TRPC4: variants seen among roughly 807,000 people sequenced by gnomAD.
TRPC4 encodes the protein short transient receptor potential channel 4.
A neutral mutation model predicts 99.4 loss-of-function variants in TRPC4; 49 were observed. The ratio of observed to expected loss-of-function variants is 0.49; its 90% CI spans 0.39 to 0.63. TRPC4 has a LOEUF of 0.63. Among genes scored for constraint, TRPC4 ranks in the 20% least tolerant of loss-of-function variants. The probability of loss-of-function intolerance (pLI) is 0.00; values close to 1 mark genes in which losing one functional copy is unlikely to be tolerated. For missense variants in TRPC4, 898 were observed against 1,152.9 expected (o/e 0.78, Z 3.20); for synonymous variants, 454 against 425.9 (o/e 1.07, Z -0.81).
chr13:37,838,491 A>G (rs562134006), intron 1 of TRPC4, among the ~76,000 whole-genome samples: 35 of 152,270 alleles, frequency 2.3e-4, no homozygotes, highest in African/African-American at 7.9e-4. Context: ...TTTTTTTTTC[A>G]TAAGTGATCT....
At chr13:37,815,932 C>A (rs1452368026) in intron 1 of TRPC4, among the ~76,000 whole-genome samples, 2 of 151,356 alleles carry the variant, frequency 1.3e-5, no homozygotes, top group Non-Finnish European at 3.0e-5. Context: ...GAACACAGCA[C>A]AATAAAAATA....
At chr13:37,668,784 G>T (rs555021355) in intron 5 of TRPC4, among the ~76,000 whole-genome samples, 24 of 152,126 alleles carry the variant, frequency 1.6e-4, no homozygotes, top group Non-Finnish European at 8.8e-5. Flanking sequence ...GATTAAATAA[G>T]AAACATATAT....
At chr13:37,792,787 A>T (rs900543496) in intron 1 of TRPC4, among the ~76,000 whole-genome samples, 5 of 150,672 alleles carry the variant, frequency 3.3e-5, no homozygotes, top group African/African-American at 1.2e-4. Flanking sequence ...AAAAAAAAAG[A>T]CAAAATGCTT....
chr13:37,697,057 T>A (rs1481414674), intron 3 of TRPC4, among the ~76,000 whole-genome samples: 2 of 152,086 alleles, frequency 1.3e-5, no homozygotes, highest in Non-Finnish European at 2.9e-5. Context: ...TTCTGGCCCC[T>A]CTGAGCATAG....
At position 37,796,042 on chromosome 13, in the gene TRPC4, C is replaced by T. The variant is rs185618986; in HGVS notation, c.-27-12682G>A. 7.9e-5 allele frequency among the ~76,000 whole-genome samples: 12 copies of T among 152,226 alleles called. No homozygotes were observed. In the East Asian group the frequency reaches 2.1e-3, roughly 27 times the overall value. Reference sequence around the variant, plus strand: ...GTGGTAAAAACCTTCAGGCTAAATTCGACCCCACATTTCCTGACGATTTTT... The same window carrying T: ...GTGGTAAAAACCTTCAGGCTAAATTTGACCCCACATTTCCTGACGATTTTT... On this transcript the variant is annotated intron_variant, in intron 1 of 10. Coordinates refer to ENST00000379705, the MANE Select transcript of TRPC4 (RefSeq NM_016179.4).
intron 1 of TRPC4, among the ~76,000 whole-genome samples, chr13:37,851,716 A>G (rs934560016): frequency 2.0e-5 from 3 of 152,226 alleles, no homozygotes; most frequent in African/African-American, 7.2e-5. Context: ...TTAATGTTAT[A>G]TCATTGAAAG....
At chr13:37,645,527 G>A (rs976637608) in intron 8 of TRPC4, among the ~76,000 whole-genome samples, 3 of 152,136 alleles carry the variant, frequency 2.0e-5, no homozygotes, top group Non-Finnish European at 2.9e-5. Flanking sequence ...TGAATTTTAA[G>A]CCCATGAATT....
chr13:37,756,170 A>C (rs190142425), intron 2 of TRPC4, among the ~76,000 whole-genome samples: 13 of 152,202 alleles, frequency 8.5e-5, no homozygotes, highest in African/African-American at 3.1e-4. Flanking sequence ...ATGTATGTAC[A>C]TGTGTGCACA....
intron 5 of TRPC4, among the ~76,000 whole-genome samples, chr13:37,665,153 T>G (rs555293004): frequency 9.2e-5 from 14 of 152,338 alleles, no homozygotes; most frequent in African/African-American, 3.4e-4. Context: ...AGTCTCGCTA[T>G]GTATGATGCC....
At chr13:37,653,989 TCGGGTATTAA>T (rs751136989) in intron 7 of TRPC4, among the ~76,000 whole-genome samples, 16 of 152,266 alleles carry the variant, frequency 1.1e-4, no homozygotes, top group Admixed American at 2.0e-4. Flanking sequence ...ATCCACAAAT[TCGGGTATTAA>T]CCTCCAAATC....
At chr13:37,704,354 A>T (rs760426291) in intron 3 of TRPC4, among the ~76,000 whole-genome samples, 1 of 152,198 alleles carries the variant, frequency 6.6e-6, no homozygotes. Context: ...AAATATGGGC[A>T]GTTAATTGTA....
chr13:37,783,887 T>G (rs956926006), intron 1 of TRPC4, among the ~76,000 whole-genome samples: 14 of 152,048 alleles, frequency 9.2e-5, no homozygotes, highest in African/African-American at 2.9e-4. Flanking sequence ...TTGTTTTTTT[T>G]GGTAGAGACA....
intron 3 of TRPC4, among the ~76,000 whole-genome samples, chr13:37,744,566 G>GGGTGTGTAT (rs1955684132): frequency 6.6e-6 from 1 of 152,060 alleles, no homozygotes; most frequent in Non-Finnish European, 1.5e-5. Context: ...CACACAACTA[G>GGGTGTGTAT]AGGAAAAAAT....
intron 10 of TRPC4, among the ~76,000 whole-genome samples, chr13:37,637,924 G>GT (rs1413278863): frequency 6.6e-6 from 1 of 152,118 alleles, no homozygotes; most frequent in Non-Finnish European, 1.5e-5. Flanking sequence ...TGGGACTACA[G>GT]TTTCTCTCCA....
rs1593546509 is a variant in TRPC4, at chr13:37,703,427, C to A, written c.898-11092G>T. Reference sequence around the variant, plus strand: ...AGAGAGTTCCTACCACCAAAAAAAACCAGTGTTTTGTAACTCACCTTCTCC... The same window carrying A: ...AGAGAGTTCCTACCACCAAAAAAAAACAGTGTTTTGTAACTCACCTTCTCC... On this transcript the variant is annotated intron_variant, in intron 3 of 10. Coordinates refer to ENST00000379705, the MANE Select transcript of TRPC4 (RefSeq NM_016179.4). 2.6e-5 allele frequency among the ~76,000 whole-genome samples: 4 copies of A among 152,046 alleles called. No homozygotes were observed. The East Asian group carries it at 5.8e-4, about 22-fold the overall frequency.
chr13:37,676,874 AAGTT>A (rs1244835539), intron 4 of TRPC4, among the ~76,000 whole-genome samples: 1 of 152,082 alleles, frequency 6.6e-6, no homozygotes, highest in Non-Finnish European at 1.5e-5. Flanking sequence ...ATTGGACAGA[AAGTT>A]AGATTTATTT....
chr13:37,724,025 G>T (rs1357437777), intron 3 of TRPC4, among the ~76,000 whole-genome samples: 2 of 151,834 alleles, frequency 1.3e-5, no homozygotes, highest in Non-Finnish European at 2.9e-5. Flanking sequence ...AGGAAAAATT[G>T]GGAAAACTTA....
chr13:37,744,295 C>T (rs1955677666), intron 3 of TRPC4, among the ~76,000 whole-genome samples: 1 of 152,052 alleles, frequency 6.6e-6, no homozygotes, highest in Non-Finnish European at 1.5e-5. Context: ...TCCCATTTAC[C>T]ACTTTGAACA....
chr13:37,744,914 A>T (rs555195841), intron 3 of TRPC4, among the ~76,000 whole-genome samples: 1 of 152,112 alleles, frequency 6.6e-6, no homozygotes, highest in Non-Finnish European at 1.5e-5. Context: ...TATTTAATAC[A>T]GCATTTTTAA....
Sources: gnomAD v4.1 joint callset for allele counts (sites outside exome capture counted in the v4.1 genomes callset) on GRCh38, gnomAD v4.1.1 for gene constraint, MANE v1.5 for transcripts, NCBI Gene and HGNC (gene_info 2026-07-23, HGNC 2026-07-21) for gene names.